Variants in ME2 observed in about 807,000 individuals in gnomAD.
The protein encoded by ME2 is NAD-dependent malic enzyme, mitochondrial.
Under a neutral mutation model 73.7 loss-of-function variants are expected in ME2, and 60 were observed. The ratio of observed to expected loss-of-function variants is 0.81; its 90% CI spans 0.66 to 1.01. ME2 has a LOEUF of 1.01. ME2 is among the 50% of genes least tolerant of loss of function. ME2 has a pLI of 0.00. For synonymous variants in ME2, 199 were observed against 236.9 expected (o/e 0.84, Z 1.47); for missense variants, 594 against 705.5 (o/e 0.84, Z 1.79).
chr18:50,929,794 C>G (rs1917651716), intron 12 of ME2, among the ~76,000 whole-genome samples: 1 of 152,104 alleles, frequency 6.6e-6, no homozygotes, highest in Non-Finnish European at 1.5e-5. Context: ...CAAATTAAAT[C>G]TTAGTCTTCT....
intron 12 of ME2, among the ~76,000 whole-genome samples, chr18:50,931,800 G>C (rs895201076): frequency 1.3e-5 from 2 of 151,614 alleles, no homozygotes; most frequent in African/African-American, 4.8e-5. Flanking sequence ...TCAGGCTCCT[G>C]AGTAGCTGAG....
At chr18:50,885,375 G>A (rs904779655) in intron 1 of ME2, among the ~76,000 whole-genome samples, 5 of 151,998 alleles carry the variant, frequency 3.3e-5, no homozygotes, top group South Asian at 2.1e-4. Flanking sequence ...AAAATTAGCC[G>A]GGCACAGTGG....
intron 1 of ME2, among the ~76,000 whole-genome samples, chr18:50,890,800 T>C (rs535464560): frequency 2.6e-4 from 40 of 152,272 alleles, no homozygotes; most frequent in African/African-American, 9.4e-4. Context: ...TAAAACCTAG[T>C]AGGAAGCAAT....
At chr18:50,906,494 G>A (rs966469079) in intron 2 of ME2, among the ~76,000 whole-genome samples, 1 of 152,070 alleles carries the variant, frequency 6.6e-6, no homozygotes, top group Admixed American at 6.6e-5. Context: ...TGTACTTTTA[G>A]TAGAGACAGG....
At position 50,951,056 on chromosome 18, in the gene ME2, A is replaced by G. The variant is rs954686652; in HGVS notation, c.*3872A>G. ...TGAACATATTTTTCTGAAAACATAA[A>G]AACTAGAGTACTCTTTAATTCTAAA... On this transcript the variant is annotated 3_prime_UTR_variant, in exon 16 of 16. Transcript: ENST00000321341. 1 of 152,226 alleles carries G rather than the reference A, an allele frequency of 6.6e-6. No individual in the cohort carries two copies. Among genetic ancestry groups the G allele is most frequent in the African/African-American group, 2.4e-5 (1 of 41,472 alleles). The allele number at this position is 152,226 out of a possible 1,614,324, so 9.4% of individuals were successfully genotyped here.
chr18:50,886,568 A>G (rs755859572), intron 1 of ME2, among the ~76,000 whole-genome samples: 1 of 152,090 alleles, frequency 6.6e-6, no homozygotes, highest in Non-Finnish European at 1.5e-5. Flanking sequence ...GGTTTTGTTC[A>G]TGTTCATATT....
chr18:50,927,051 T>G (rs564328288), intron 12 of ME2, among the ~76,000 whole-genome samples: 2 of 152,354 alleles, frequency 1.3e-5, no homozygotes, highest in East Asian at 3.9e-4. Context: ...CCGAACTGTT[T>G]AAGATTCACT....
chr18:50,925,368 A>G (rs1189862307), intron 11 of ME2, among the ~76,000 whole-genome samples: 2 of 152,166 alleles, frequency 1.3e-5, no homozygotes, highest in Non-Finnish European at 1.5e-5. Flanking sequence ...AATCCCAGCT[A>G]CCTGGGAAGG....
intron 12 of ME2, among the ~76,000 whole-genome samples, 182 bp from the exon 13 acceptor site, chr18:50,932,076 T>A (rs1917705371): frequency 6.6e-6 from 1 of 152,210 alleles, no homozygotes; most frequent in Admixed American, 6.5e-5. Flanking sequence ...ATACTACACA[T>A]GAAACAAACC....
chr18:50,928,048 ACCTCAAGTGATCCCCTG>A (rs1242919461), intron 12 of ME2, among the ~76,000 whole-genome samples: 1 of 151,604 alleles, frequency 6.6e-6, no homozygotes, highest in Admixed American at 6.6e-5. Flanking sequence ...CAAATTGCTG[ACCTCAAGTGATCCCCTG>A]CCTCAGCCTC....
intron 15 of ME2, among the ~76,000 whole-genome samples, chr18:50,943,111 T>A (rs1455698772): frequency 3.9e-5 from 6 of 151,938 alleles, no homozygotes; most frequent in Admixed American, 3.9e-4. Context: ...TATGTTAATA[T>A]TAAATATGAT....
chr18:50,926,078 C>G (rs1917545518), intron 12 of ME2, among the ~76,000 whole-genome samples, 180 bp downstream of exon 12: 1 of 152,170 alleles, frequency 6.6e-6, no homozygotes, highest in South Asian at 2.1e-4. Flanking sequence ...TACTTTATAA[C>G]TCCACTGTAA....
Position 50,920,720 on chromosome 18 carries a change from A to G in ME2, c.904A>G (p.Ile302Val), listed in dbSNP as rs141872254. ...LAAQKVISKP[I>V]SEHKILFLGA... ...AGCACAAAAAGTTATTAGTAAACCA[A>G]TCTCCGAACACAAAATCTTATTCCT... The change falls in exon 9 of 16, where the codon ATC (isoleucine) becomes GTC (valine). Residue 302 changes from isoleucine (I) to valine (V), a missense_variant. Physicochemically the swap from Ile to Val is conservative, Grantham distance 29. Coordinates refer to ENST00000321341, the MANE Select transcript of ME2 (RefSeq NM_002396.5). 7.9e-5 allele frequency: 128 copies of G among 1,611,974 alleles called. No individual in the cohort carries two copies. The African/African-American group carries it at 1.5e-3, about 19-fold the overall frequency.
chr18:50,937,835 A>C (rs1182412074), intron 13 of ME2, among the ~76,000 whole-genome samples: 1 of 152,184 alleles, frequency 6.6e-6, no homozygotes, highest in Admixed American at 6.5e-5. Context: ...GAGGTACAAT[A>C]TCAGAAAATA....
intron 15 of ME2, among the ~76,000 whole-genome samples, chr18:50,943,366 C>A (rs1918008000): frequency 6.6e-6 from 1 of 151,692 alleles, no homozygotes; most frequent in South Asian, 2.1e-4. Flanking sequence ...GCGACGTGAT[C>A]TCAGCTCACT....
At chr18:50,905,112 G>T (rs1049636423) in intron 2 of ME2, among the ~76,000 whole-genome samples, 2 of 151,984 alleles carry the variant, frequency 1.3e-5, no homozygotes, top group South Asian at 2.1e-4. Flanking sequence ...TCAGCCTCTC[G>T]AGTAGCTGGG....
intron 14 of ME2, 186 bp downstream of exon 14, chr18:50,939,826 T>G (rs1917905606): frequency 7.4e-6 from 4 of 540,488 alleles, no homozygotes; most frequent in Non-Finnish European, 1.3e-5. Context: ...ACTTAAATTT[T>G]TGTAAACTGA....
At position 50,917,201 on chromosome 18, in the gene ME2, G is replaced by A. The variant is rs888443392; in HGVS notation, c.469-146G>A. On this transcript the variant is annotated intron_variant, in intron 5 of 15. Transcript: ENST00000321341. ...CCTAGAATTTTAAGTATGCTTTGTT[G>A]GTTTACATTGGAAATTAGCCAAGAA... The A allele has an allele frequency of 2.5e-5, 15 of 591,208 alleles. No homozygotes were observed. The African/African-American group carries it at 2.6e-4, about 10-fold the overall frequency. The allele number at this position is 591,208 out of a possible 1,614,324, so 36.6% of individuals were successfully genotyped here. A position where few individuals can be genotyped will look rare whatever the true frequency, so the allele number is the denominator to read the frequency against.
At position 50,920,486 on chromosome 18, in the gene ME2, A is replaced by G; in HGVS notation, c.765A>G (p.Glu255=). Residue 255 remains glutamate, a synonymous_variant, in exon 8 of 16, where the codon GAA becomes GAG. Coordinates refer to ENST00000321341, the MANE Select transcript of ME2 (RefSeq NM_002396.5). ...RYGRNTLIQF[E]DFGNHNAFRF... is the part of the protein sequence containing the mutation. The stretch of plus-strand genomic sequence containing the variant: ...GCCGGAACACACTCATTCAGTTCGA[A>G]GACTTTGGAAATCATAATGCATTCA... 6.3e-7 allele frequency: 1 copy of G among 1,599,734 alleles called. No individual in the cohort carries two copies. Among genetic ancestry groups the G allele is most frequent in the Non-Finnish European group, 8.5e-7 (1 of 1,176,880 alleles).
Sources: gnomAD v4.1 joint callset for allele counts (sites outside exome capture counted in the v4.1 genomes callset) on GRCh38, gnomAD v4.1.1 for gene constraint, MANE v1.5 for transcripts, NCBI Gene and HGNC (gene_info 2026-07-23, HGNC 2026-07-21) for gene names.